Variants in PTGFR observed in about 807,000 individuals in gnomAD.
The protein encoded by PTGFR is prostaglandin F receptor, also known as prostaglandin F2-alpha receptor.
A neutral mutation model predicts 26.2 loss-of-function variants in PTGFR; 15 were observed. The observed-to-expected ratio is 0.57, with a 90% CI of 0.38 to 0.88. The LOEUF is 0.88. PTGFR is among the 40% of genes least tolerant of loss of function. The probability of loss-of-function intolerance (pLI) is 0.00; values close to 1 mark genes in which losing one functional copy is unlikely to be tolerated. For synonymous variants in PTGFR, 165 were observed against 151.1 expected, an observed-to-expected ratio of 1.09 and a Z score of -0.68; for missense variants, 369 against 427.2, an observed-to-expected ratio of 0.86 and a Z score of 1.20.
At chr1:78,530,353 CATTT>C (rs759506419) in intron 2 of PTGFR, among the ~76,000 whole-genome samples, 14 of 152,088 alleles carry the variant, frequency 9.2e-5, no homozygotes, top group Non-Finnish European at 1.8e-4. Context: ...TGGAGCAAAA[CATTT>C]ATTAGTACCA....
At chr1:78,521,608 G>A (rs1208819199) in intron 2 of PTGFR, among the ~76,000 whole-genome samples, 1 of 152,030 alleles carries the variant, frequency 6.6e-6, no homozygotes, top group Non-Finnish European at 1.5e-5. Flanking sequence ...TGAACTCATT[G>A]GTTTCAATTG....
At chr1:78,501,105 A>C (rs1392391631) in intron 2 of PTGFR, among the ~76,000 whole-genome samples, 1 of 152,134 alleles carries the variant, frequency 6.6e-6, no homozygotes, top group Non-Finnish European at 1.5e-5. Flanking sequence ...GTGTAAACGA[A>C]TCAGAAACAT....
At chr1:78,500,534 C>T (rs988911078) in intron 2 of PTGFR, among the ~76,000 whole-genome samples, 5 of 152,200 alleles carry the variant, frequency 3.3e-5, no homozygotes, top group Admixed American at 2.0e-4. Flanking sequence ...TCCATTCATG[C>T]TTCAGGGCTT....
intron 2 of PTGFR, among the ~76,000 whole-genome samples, chr1:78,510,854 T>G (rs1347002767): frequency 1.3e-5 from 2 of 152,066 alleles, no homozygotes; most frequent in African/African-American, 4.8e-5. Context: ...AGGTAAACAT[T>G]CTCATTCCCA....
chr1:78,522,477 C>A (rs1332409494), intron 2 of PTGFR, among the ~76,000 whole-genome samples: 1 of 152,048 alleles, frequency 6.6e-6, no homozygotes, highest in South Asian at 2.1e-4. Context: ...AGTACATACC[C>A]AGCTTTTGTT....
In PTGFR at chr1:78,536,610, C is replaced by A; in HGVS notation, c.1003C>A (p.Leu335Ile). The change falls in exon 3 of 3, where the codon CTT becomes ATT. Residue 335 changes from leucine to isoleucine, a missense_variant. Leu to Ile is a conservative substitution (Grantham distance 5). Transcript: ENST00000370757. The stretch of plus-strand genomic sequence containing the variant: ...TGTCATCAGCTTACATATTTGGGAG[C>A]TTAGTTCCATTAAAAATTCCTTAAA... ...VHVISLHIWE[L>I]SSIKNSLKVA... 1 of 1,613,280 alleles carries A rather than the reference C, an allele frequency of 6.2e-7. No individual in the cohort carries two copies. The highest frequency in any genetic ancestry group is 8.5e-7 in the Non-Finnish European group (1 of 1,179,556).
chr1:78,522,993 T>A (rs1270722310), intron 2 of PTGFR, among the ~76,000 whole-genome samples: 1 of 152,108 alleles, frequency 6.6e-6, no homozygotes, highest in South Asian at 2.1e-4. Flanking sequence ...TACTTTGTAA[T>A]CTTCTTTATT....
At chr1:78,525,837 T>C (rs748647489) in intron 2 of PTGFR, among the ~76,000 whole-genome samples, 13 of 152,034 alleles carry the variant, frequency 8.6e-5, no homozygotes, top group Admixed American at 2.0e-4. Context: ...TTCCAAGGGC[T>C]TAGAGGCTCC....
chr1:78,506,158 G>A (rs187377528), intron 2 of PTGFR, among the ~76,000 whole-genome samples: 22 of 152,144 alleles, frequency 1.4e-4, no homozygotes, highest in East Asian at 9.7e-4. Flanking sequence ...AGCAACGTGC[G>A]AGTGTCCCAA....
At chr1:78,531,521 T>C (rs1650505998) in intron 2 of PTGFR, among the ~76,000 whole-genome samples, 1 of 152,312 alleles carries the variant, frequency 6.6e-6, no homozygotes, top group Non-Finnish European at 1.5e-5. Context: ...ACTTTAACTT[T>C]ACTAGGATTT....
In PTGFR at chr1:78,492,695, A is replaced by C; in HGVS notation, c.-49A>C. 6.5e-7 allele frequency: 1 copy of C among 1,531,854 alleles called. No homozygotes were observed. 94.9% of individuals were successfully genotyped at this position (1,531,854 alleles called of 1,614,324 possible). A position where few individuals can be genotyped will look rare whatever the true frequency, so the allele number is the denominator to read the frequency against. The stretch of plus-strand genomic sequence containing the variant: ...AGATGTCTGGACTGCAATCCTGCAC[A>C]GTTTTGAGAGGGAGATGACTTGAGT... On this transcript the variant is annotated 5_prime_UTR_variant, in exon 2 of 3. Coordinates refer to ENST00000370757, the MANE Select transcript of PTGFR (RefSeq NM_000959.4).
intron 2 of PTGFR, among the ~76,000 whole-genome samples, chr1:78,510,635 C>T (rs1188494752): frequency 6.6e-6 from 1 of 152,138 alleles, no homozygotes; most frequent in African/African-American, 2.4e-5. Flanking sequence ...CAAACTATAT[C>T]ATTCCATCCC....
At chr1:78,507,199 T>C (rs1649846668) in intron 2 of PTGFR, among the ~76,000 whole-genome samples, 1 of 152,198 alleles carries the variant, frequency 6.6e-6, no homozygotes, top group African/African-American at 2.4e-5. Flanking sequence ...TATCAGAGTT[T>C]AGCTACTCTG....
chr1:78,534,779 T>C (rs1305780826), intron 2 of PTGFR, among the ~76,000 whole-genome samples: 1 of 152,148 alleles, frequency 6.6e-6, no homozygotes, highest in Non-Finnish European at 1.5e-5. Context: ...ATCACAAACA[T>C]TAAAGTCCGC....
At chr1:78,532,208 T>C (rs779732359) in intron 2 of PTGFR, 4 of 406,232 alleles carry the variant, frequency 9.8e-6, no homozygotes, top group South Asian at 5.2e-5. Flanking sequence ...TGTTTGCTTT[T>C]AAAGCGATAA....
intron 2 of PTGFR, among the ~76,000 whole-genome samples, chr1:78,496,120 T>G (rs747596315): frequency 2.6e-5 from 4 of 152,202 alleles, no homozygotes; most frequent in Admixed American, 2.6e-4. Flanking sequence ...CTGAAAGATT[T>G]TGTCAGAACT....
rs1649455238 is a variant in PTGFR at position 78,493,106 on chromosome 1, C to T, written c.363C>T (p.Cys121=). 6.2e-7 allele frequency: 1 copy of T among 1,614,184 alleles called. No homozygotes were observed. Residue 121 remains cysteine (C), a synonymous_variant, in exon 2 of 3, where the codon TGC becomes TGT. Transcript: ENST00000370757. ...TCTGCATGGTGTTTTCTGGTCTGTG[C>T]CCACTTCTTCTAGGCAGTGTGATGG... ...FGICMVFSGL[C]PLLLGSVMAI... is the part of the protein sequence containing the mutation.
rs574927907 is a variant in PTGFR, at chr1:78,494,691, C to T, written c.798+1150C>T. Among the ~76,000 whole-genome samples the T allele has an allele frequency of 7.2e-5, 11 of 152,206 alleles. No homozygotes were observed. In the East Asian group the frequency reaches 9.7e-4, roughly 13 times the overall value. On this transcript the variant is annotated intron_variant, in intron 2 of 2. Transcript: ENST00000370757. ...TGCGATCTCGGCTTATTGCAACCTCCGCCTCCCAGGTTCAAGCAATTCTCT... is the reference window on the plus strand; with the variant it reads ...TGCGATCTCGGCTTATTGCAACCTCTGCCTCCCAGGTTCAAGCAATTCTCT...
Position 78,536,755 on chromosome 1 carries a change from A to G in PTGFR, c.*68A>G. The stretch of plus-strand genomic sequence containing the variant: ...AGACATGTTTGGCAATATTTCAGTT[A>G]GTTAAATACCTGTAGCCTAACTGGA... On this transcript the variant is annotated 3_prime_UTR_variant, in exon 3 of 3. Transcript: ENST00000370757. 1 of 1,490,444 alleles carries G rather than the reference A, an allele frequency of 6.7e-7. No homozygotes were observed. Among genetic ancestry groups the G allele is most frequent in the Non-Finnish European group, 9.0e-7 (1 of 1,111,362 alleles). The allele number at this position is 1,490,444 out of a possible 1,614,324, so 92.3% of individuals were successfully genotyped here.
Sources: allele counts gnomAD v4.1 joint callset (sites outside exome capture counted in the v4.1 genomes callset), GRCh38; gene constraint gnomAD v4.1.1; transcripts MANE v1.5; gene names NCBI Gene and HGNC (gene_info 2026-07-23, HGNC 2026-07-21).